Variants in CNTLN observed in about 807,000 individuals in gnomAD.
The protein encoded by CNTLN is centlein.
CNTLN carries 212 observed loss-of-function variants against 180.0 expected under a neutral mutation model. That is an observed-to-expected ratio of 1.18 (90% CI 1.05 to 1.32). CNTLN has a LOEUF of 1.32. Among genes scored for constraint, CNTLN ranks in the 40% most tolerant of loss-of-function variants. The pLI is 0.00. For synonymous variants in CNTLN, 722 were observed against 563.1 expected (o/e 1.28, Z -3.99); for missense variants, 2,095 against 1,610.9 (o/e 1.30, Z -5.14).
chr9:17,312,747 G>A (rs955404789), intron 8 of CNTLN, among the ~76,000 whole-genome samples: 12 of 151,950 alleles, frequency 7.9e-5, no homozygotes, highest in Non-Finnish European at 1.6e-4. Context: ...CAAGCATATT[G>A]TTTTGGTGAA....
intron 8 of CNTLN, among the ~76,000 whole-genome samples, chr9:17,325,614 T>C (rs1431652533): frequency 6.6e-6 from 1 of 151,790 alleles, no homozygotes; most frequent in African/African-American, 2.4e-5. Context: ...TTTTCAGTGA[T>C]ATATTGTTTT....
At chr9:17,526,005 G>C in the CNTLN span, among the ~76,000 whole-genome samples, 2 of 151,626 alleles carry the variant, frequency 1.3e-5, no homozygotes, top group Non-Finnish European at 2.9e-5. Flanking sequence ...GCGCAATCTC[G>C]GCTCACTGCA....
At chr9:17,467,908 A>G (rs1209640173) in intron 23 of CNTLN, among the ~76,000 whole-genome samples, 1 of 151,738 alleles carries the variant, frequency 6.6e-6, no homozygotes, top group African/African-American at 2.4e-5. Flanking sequence ...CCAAAATAAT[A>G]TAAATCCTTC....
Position 17,154,163 on chromosome 9 carries a change from G to A in CNTLN, c.449+10787G>A, listed in dbSNP as rs76253082. Among the ~76,000 whole-genome samples, 949 of 152,254 alleles carry A rather than the reference G, an allele frequency of 6.2e-3. 25 individuals are homozygous for A. Among genetic ancestry groups the A allele is most frequent in the East Asian group, 0.058 (300 of 5,168 alleles). On this transcript the variant is annotated intron_variant, in intron 2 of 25. Transcript: ENST00000380647. ...TTCTGAAGCCTACTTCTGTCAGTTC[G>A]TCAAACTCATTCTCTGTCCAGCTTT... is the stretch of plus-strand genomic sequence containing the variant.
intron 2 of CNTLN, among the ~76,000 whole-genome samples, chr9:17,185,875 C>G (rs1287656005): frequency 6.6e-6 from 1 of 151,764 alleles, no homozygotes; most frequent in Non-Finnish European, 1.5e-5. Flanking sequence ...TTACTGTAGC[C>G]TCTACCTCCT....
intron 3 of CNTLN, among the ~76,000 whole-genome samples, chr9:17,228,383 C>A (rs1291612672): frequency 1.3e-5 from 2 of 151,706 alleles, no homozygotes; most frequent in East Asian, 3.9e-4. Context: ...TTGTAGGGAC[C>A]CAAATTTCTT....
chr9:17,291,882 G>A (rs146454835), intron 6 of CNTLN, among the ~76,000 whole-genome samples: 46 of 152,238 alleles, frequency 3.0e-4, no homozygotes, highest in Non-Finnish European at 6.3e-4. Flanking sequence ...TGATGTAGTT[G>A]CTTTATAGTT....
chr9:17,296,545 A>G (rs946673124), intron 6 of CNTLN, among the ~76,000 whole-genome samples: 2 of 152,044 alleles, frequency 1.3e-5, no homozygotes, highest in Non-Finnish European at 2.9e-5. Flanking sequence ...TGGCTAACGT[A>G]TCTTAACTGT....
intron 7 of CNTLN, among the ~76,000 whole-genome samples, chr9:17,304,036 A>T (rs1818543682): frequency 6.6e-6 from 1 of 151,930 alleles, no homozygotes; most frequent in Non-Finnish European, 1.5e-5. Context: ...TCTTTCTCTC[A>T]TTTATTAAGT....
chr9:17,527,238 A>G, the CNTLN span, among the ~76,000 whole-genome samples: 1 of 151,994 alleles, frequency 6.6e-6, no homozygotes, highest in Non-Finnish European at 1.5e-5. Flanking sequence ...TTACTGTGAC[A>G]CTCCAAATTC....
chr9:17,295,979 AGAGAGAGAGAGAGAGAGAGT>A (rs1456165675), intron 6 of CNTLN, among the ~76,000 whole-genome samples: 2 of 82,082 alleles, frequency 2.4e-5, no homozygotes, highest in Admixed American at 1.4e-4. Flanking sequence ...TGAGAGAGAG[AGAGAGAGAGAGAGAGAGAGT>A]GTGTGTGTGT....
At chr9:17,254,129 T>G (rs1360605172) in intron 5 of CNTLN, among the ~76,000 whole-genome samples, 1 of 151,670 alleles carries the variant, frequency 6.6e-6, no homozygotes, top group African/African-American at 2.4e-5. Flanking sequence ...CAAATCCCAG[T>G]TGAACATATT....
chr9:17,288,231 G>T (rs1355717567), intron 6 of CNTLN, among the ~76,000 whole-genome samples: 2 of 121,576 alleles, frequency 1.6e-5, no homozygotes, highest in Non-Finnish European at 3.3e-5. Context: ...TGGTTTCAAA[G>T]AACATCTTTA....
chr9:17,374,914 C>G (rs1482000886), intron 13 of CNTLN, among the ~76,000 whole-genome samples: 1 of 151,662 alleles, frequency 6.6e-6, no homozygotes, highest in Non-Finnish European at 1.5e-5. Flanking sequence ...TATCACACTG[C>G]TAGTTATATA....
chr9:17,150,868 C>T (rs1324518179), intron 2 of CNTLN, among the ~76,000 whole-genome samples: 1 of 152,146 alleles, frequency 6.6e-6, no homozygotes, highest in Non-Finnish European at 1.5e-5. Context: ...TCCTTCACAT[C>T]CTTTGTAAGT....
In CNTLN at chr9:17,415,863, A is replaced by G. The variant is rs775449213; in HGVS notation, c.2872A>G (p.Thr958Ala). ...KNCKMQKSSH[T>A]AVPTRVNREK... ...TTGCAAGATGCAAAAGAGTTCACAT[A>G]CAGCAGTTCCTACTAGAGGTAAGAA... The change falls in exon 17 of 26, where the codon ACA (threonine) becomes GCA (alanine). Residue 958 changes from threonine to alanine, a missense_variant. Physicochemically the swap from Thr to Ala is moderately conservative, Grantham distance 58. Coordinates refer to ENST00000380647, the MANE Select transcript of CNTLN (RefSeq NM_017738.4). 1 of 1,611,808 alleles carries G rather than the reference A, an allele frequency of 6.2e-7. No homozygotes were observed.
chr9:17,172,188 A>G (rs59698728), intron 2 of CNTLN, among the ~76,000 whole-genome samples: 2,896 of 151,688 alleles, frequency 0.019, 60 homozygotes, highest in African/African-American at 0.05. Flanking sequence ...TCTGAGGAGC[A>G]GGTTGCTGGA....
rs4961563 is a variant in CNTLN, at chr9:17,444,569, G to C, written c.3115-12955G>C. On this transcript the variant is annotated intron_variant, in intron 18 of 25. Transcript: ENST00000380647. ...ATTTCCAAAATACACACACATCTGG[G>C]TAGTATGTACTATTTGAGAACTACT... Among the ~76,000 whole-genome samples the C allele has an allele frequency of 3.3e-5, 5 of 152,022 alleles. No individual in the cohort carries two copies. In the East Asian group the frequency reaches 9.7e-4, roughly 29 times the overall value.
chr9:17,174,314 T>C (rs1467702947), intron 2 of CNTLN, among the ~76,000 whole-genome samples: 1 of 152,214 alleles, frequency 6.6e-6, no homozygotes, highest in East Asian at 1.9e-4. Flanking sequence ...ACATACTTTT[T>C]TGTTGTAAAC....
Sources: gnomAD v4.1 joint callset for allele counts (sites outside exome capture counted in the v4.1 genomes callset) on GRCh38, gnomAD v4.1.1 for gene constraint, MANE v1.5 for transcripts, NCBI Gene and HGNC (gene_info 2026-07-23, HGNC 2026-07-21) for gene names.